Variants in IGF1R observed in about 807,000 individuals in gnomAD.
IGF1R encodes insulin like growth factor 1 receptor, also known as insulin-like growth factor 1 receptor.
IGF1R carries 44 observed loss-of-function variants against 144.6 expected under a neutral mutation model. The ratio of observed to expected loss-of-function variants is 0.30; its 90% CI spans 0.24 to 0.39. IGF1R has a LOEUF of 0.39. Ranked by LOEUF, IGF1R falls within the 10% of genes least tolerant of loss-of-function variation. The probability of loss-of-function intolerance (pLI) is 1.00; values close to 1 mark genes in which losing one functional copy is unlikely to be tolerated. For missense variants in IGF1R, 1,355 were observed against 1,833.7 expected, an observed-to-expected ratio of 0.74 and a Z score of 4.77; for synonymous variants, 795 against 722.8, an observed-to-expected ratio of 1.10 and a Z score of -1.60.
chr15:98,866,183 G>A (rs1287964687), intron 2 of IGF1R, among the ~76,000 whole-genome samples: 1 of 152,154 alleles, frequency 6.6e-6, no homozygotes, highest in Non-Finnish European at 1.5e-5. Flanking sequence ...AAATCTCAGC[G>A]GAACAGCCCA....
At position 98,963,242 on chromosome 15, in the gene IGF1R, T is replaced by G; in HGVS notation, c.*5800T>G. On this transcript the variant is annotated 3_prime_UTR_variant, in exon 21 of 21. Transcript: ENST00000650285. Reference sequence around the variant, plus strand: ...TTTTTTTTTTTTTTTAGGACACCTGTTTACTAGCTAGCTTTACAATATGCC... The same window carrying G: ...TTTTTTTTTTTTTTTAGGACACCTGGTTACTAGCTAGCTTTACAATATGCC... 1 of 233,270 alleles carries G rather than the reference T, an allele frequency of 4.3e-6. No homozygotes were observed. The highest frequency in any genetic ancestry group is 8.5e-6 in the Non-Finnish European group (1 of 117,968). The allele number at this position is 233,270 out of a possible 1,614,324, so 14.5% of individuals were successfully genotyped here.
intron 2 of IGF1R, among the ~76,000 whole-genome samples, chr15:98,755,718 CAAAAAAAAAAAAAAAAAAAAAA>C (rs56121011): frequency 3.8e-4 from 13 of 34,472 alleles, no homozygotes; most frequent in South Asian, 1.5e-3. Context: ...AACTCCATTG[CAAAAAAAAAAAAAAAAAAAAAA>C]AAAAAAAAAA....
At chr15:98,725,234 G>GT (rs1355763844) in intron 2 of IGF1R, among the ~76,000 whole-genome samples, 1 of 152,202 alleles carries the variant, frequency 6.6e-6, no homozygotes, top group Non-Finnish European at 1.5e-5. Flanking sequence ...AATCAGAGCA[G>GT]TAGCATCTTA....
intron 2 of IGF1R, among the ~76,000 whole-genome samples, chr15:98,807,756 G>A (rs913268979): frequency 3.9e-5 from 6 of 152,236 alleles, no homozygotes; most frequent in African/African-American, 1.4e-4. Flanking sequence ...TTTTGTCATA[G>A]CTTTGTTGTC....
chr15:98,924,928 T>C (rs1215112552), intron 13 of IGF1R, among the ~76,000 whole-genome samples: 1 of 149,072 alleles, frequency 6.7e-6, no homozygotes, highest in Non-Finnish European at 1.5e-5. Flanking sequence ...AGCCTCTCCT[T>C]TGAGGTTGTG....
chr15:98,772,585 C>G (rs1596291281), intron 2 of IGF1R, among the ~76,000 whole-genome samples: 1 of 151,302 alleles, frequency 6.6e-6, no homozygotes, highest in Non-Finnish European at 1.5e-5. Context: ...AAGCCTCGAA[C>G]TCCTGGGCTC....
intron 2 of IGF1R, among the ~76,000 whole-genome samples, chr15:98,847,015 C>CA (rs1201309046): frequency 6.6e-6 from 1 of 152,178 alleles, no homozygotes; most frequent in East Asian, 1.9e-4. Flanking sequence ...CTCACTCCCT[C>CA]ACCCAGGTCA....
chr15:98,761,100 G>A (rs768109230), intron 2 of IGF1R, among the ~76,000 whole-genome samples: 25 of 152,370 alleles, frequency 1.6e-4, no homozygotes, highest in East Asian at 3.9e-4. Context: ...TGACCTGCCT[G>A]TCCTACTGCT....
chr15:98,839,840 C>G (rs541065339), intron 2 of IGF1R, among the ~76,000 whole-genome samples: 1 of 152,312 alleles, frequency 6.6e-6, no homozygotes, highest in African/African-American at 2.4e-5. Context: ...ATGTGGATGT[C>G]TTTGTTCAAA....
intron 2 of IGF1R, among the ~76,000 whole-genome samples, chr15:98,853,745 C>T (rs1425959408): frequency 6.6e-6 from 1 of 152,208 alleles, no homozygotes; most frequent in Non-Finnish European, 1.5e-5. Flanking sequence ...GGGTCGGTGC[C>T]CTGCGCCCCG....
chr15:98,793,321 C>A (rs1191759516), intron 2 of IGF1R, among the ~76,000 whole-genome samples: 2 of 152,138 alleles, frequency 1.3e-5, no homozygotes, highest in Non-Finnish European at 2.9e-5. Context: ...TAAACAAGTC[C>A]ATTTTAAAAG....
chr15:98,955,610 C>G (rs1440509361), intron 20 of IGF1R, among the ~76,000 whole-genome samples: 2 of 152,210 alleles, frequency 1.3e-5, no homozygotes, highest in Non-Finnish European at 2.9e-5. Context: ...CTGGATGGCT[C>G]TCCCTCACAC....
chr15:98,780,176 AAG>A (rs1206279394), intron 2 of IGF1R, among the ~76,000 whole-genome samples: 12 of 151,052 alleles, frequency 7.9e-5, no homozygotes, highest in Non-Finnish European at 1.5e-4. Context: ...AAAATAAAAA[AAG>A]AAAAAAGAAA....
intron 1 of IGF1R, among the ~76,000 whole-genome samples, chr15:98,665,276 G>T (rs375770033): frequency 6.6e-6 from 1 of 152,146 alleles, no homozygotes; most frequent in Non-Finnish European, 1.5e-5. Context: ...TTCTTGTAAA[G>T]AGAGTTTGAC....
At chr15:98,888,234 G>A (rs2013734728) in intron 2 of IGF1R, among the ~76,000 whole-genome samples, 1 of 152,304 alleles carries the variant, frequency 6.6e-6, no homozygotes, top group East Asian at 1.9e-4. Flanking sequence ...CTGGCACACA[G>A]GTGCAGCACA....
chr15:98,757,408 C>T (rs994383934), intron 2 of IGF1R, among the ~76,000 whole-genome samples: 3 of 152,168 alleles, frequency 2.0e-5, no homozygotes, highest in African/African-American at 7.2e-5. Flanking sequence ...AAATGATCTG[C>T]CTGCCTTGGC....
chr15:98,845,035 A>AGG (rs1390641765), intron 2 of IGF1R, among the ~76,000 whole-genome samples: 3 of 152,216 alleles, frequency 2.0e-5, no homozygotes, highest in African/African-American at 7.2e-5. Context: ...AGGCCCACCA[A>AGG]GGAGTTTACA....
chr15:98,776,678 C>T (rs1037094319), intron 2 of IGF1R, among the ~76,000 whole-genome samples: 2 of 152,178 alleles, frequency 1.3e-5, no homozygotes, highest in Non-Finnish European at 2.9e-5. Flanking sequence ...TGGTGCTGGG[C>T]GGCCCTCACC....
At chr15:98,836,557 C>T (rs1180411874) in intron 2 of IGF1R, among the ~76,000 whole-genome samples, 1 of 151,710 alleles carries the variant, frequency 6.6e-6, no homozygotes, top group Non-Finnish European at 1.5e-5. Context: ...AAAATATCAC[C>T]CAGTTTTCCC....
Sources: gnomAD v4.1 joint callset for allele counts (sites outside exome capture counted in the v4.1 genomes callset) on GRCh38, gnomAD v4.1.1 for gene constraint, MANE v1.5 for transcripts, NCBI Gene and HGNC (gene_info 2026-07-23, HGNC 2026-07-21) for gene names.